The following RFX2 variants were observed in gnomAD, a reference collection of about 807,000 sequenced individuals.
The protein encoded by RFX2 is DNA-binding protein RFX2.
A neutral mutation model predicts 87.8 loss-of-function variants in RFX2; 20 were observed. The ratio of observed to expected loss-of-function variants is 0.23; its 90% CI spans 0.16 to 0.33. The LOEUF (loss-of-function observed/expected upper bound fraction) is 0.33. Ranked by LOEUF, RFX2 falls within the 10% of genes least tolerant of loss-of-function variation. RFX2 has a pLI of 1.00. For missense variants in RFX2, 767 were observed against 1,012.3 expected (o/e 0.76, Z 3.29); for synonymous variants, 397 against 431.3 (o/e 0.92, Z 0.98).
At position 6,004,106 on chromosome 19, in the gene RFX2, C is replaced by T. The variant is rs1020106776; in HGVS notation, c.1500+95G>A. 7 of 952,060 alleles carry T rather than the reference C, an allele frequency of 7.4e-6. No individual in the cohort carries two copies. Among genetic ancestry groups the T allele is most frequent in the African/African-American group, 1.6e-5 (1 of 62,156 alleles). 59.0% of individuals were successfully genotyped at this position (952,060 alleles called of 1,614,324 possible). ...TTACTCTCATGACGCAGGGAAGAAG[C>T]CAGCGCTCTCTGGGACACAGTGGTC... On this transcript the variant is annotated intron_variant, in intron 13 of 17. Transcript: ENST00000303657. The surrounding 1 kb of genome is among the most constrained non-coding windows in gnomAD (Gnocchi z 4.8).
At chr19:6,055,545 T>C (rs1314048756) in intron 1 of RFX2, among the ~76,000 whole-genome samples, 2 of 152,194 alleles carry the variant, frequency 1.3e-5, no homozygotes, top group Non-Finnish European at 2.9e-5. Context: ...CACTTCAGCC[T>C]CCTAAGTAGC....
chr19:6,040,072 T>C lies in RFX2; in HGVS notation c.430A>G (p.Ile144Val). Residue 144 changes from isoleucine to valine, a missense_variant, in exon 5 of 18, where the codon ATC becomes GTC. Transcript: ENST00000303657. The surrounding 1 kb of genome is among the most constrained non-coding windows in gnomAD (Gnocchi z 6.1). The stretch of plus-strand genomic sequence containing the variant: ...AGATAGGCTCCCGCGCTGGAGACGA[T>C]GGGGCTCCCCCCGACATCCATGGTG... ...GITMDVGGSP[I>V]VSSAGAYLIH... 6.2e-7 allele frequency: 1 copy of C among 1,612,344 alleles called. No individual in the cohort carries two copies. The highest frequency in any genetic ancestry group is 1.1e-5 in the South Asian group (1 of 91,084).
intron 1 of RFX2, among the ~76,000 whole-genome samples, chr19:6,067,316 A>G (rs1424163939): frequency 1.3e-5 from 2 of 152,218 alleles, no homozygotes; most frequent in African/African-American, 4.8e-5. Context: ...AATATCATGT[A>G]CGTATGGAAC....
chr19:6,038,951 C>A (rs1320512267), intron 5 of RFX2, among the ~76,000 whole-genome samples: 1 of 152,342 alleles, frequency 6.6e-6, no homozygotes, highest in East Asian at 1.9e-4. Flanking sequence ...TATGAGCCAG[C>A]AGCAATTCCA....
chr19:6,066,474 G>T (rs1285383106), intron 1 of RFX2, among the ~76,000 whole-genome samples: 1 of 152,092 alleles, frequency 6.6e-6, no homozygotes, highest in East Asian at 1.9e-4. Flanking sequence ...GTAGTAGGTT[G>T]GACAAGTAAT....
intron 1 of RFX2, among the ~76,000 whole-genome samples, chr19:6,062,627 T>TG: frequency 6.6e-6 from 1 of 152,352 alleles, no homozygotes; most frequent in Non-Finnish European, 1.5e-5. Flanking sequence ...AACACAAGCT[T>TG]AGCTTTTGCT....
In RFX2 at chr19:6,027,108, T is replaced by A. The variant is rs2144736066; in HGVS notation, c.523-871A>T. ...CAGCCCACCCTGACGACCAGAGGAC[T>A]GAAGCGGGAGGAGATGAACTTGAAG... On this transcript the variant is annotated intron_variant, in intron 5 of 17. Transcript: ENST00000303657. This position sits in a 1 kb window ranked among gnomAD's most constrained non-coding sequence, Gnocchi z 5.0. 1 of 152,424 alleles carries A rather than the reference T, an allele frequency of 6.6e-6. No homozygotes were observed. The highest frequency in any genetic ancestry group is 2.4e-5 in the African/African-American group (1 of 41,564). 9.4% of individuals were successfully genotyped at this position (152,424 alleles called of 1,614,324 possible). A position where few individuals can be genotyped will look rare whatever the true frequency, so the allele number is the denominator to read the frequency against.
In RFX2 at chr19:6,017,275, C is replaced by T. The variant is rs930504801; in HGVS notation, c.598-1004G>A. ...ACAAAAAGATGGGCTAAATGAGTCC[C>T]GAGCCAAGGACTATGCCTCGAGAGG... On this transcript the variant is annotated intron_variant, in intron 6 of 17. Coordinates refer to ENST00000303657, the MANE Select transcript of RFX2 (RefSeq NM_000635.4). This position sits in a 1 kb window ranked among gnomAD's most constrained non-coding sequence, Gnocchi z 4.1. 3.9e-5 allele frequency among the ~76,000 whole-genome samples: 6 copies of T among 152,230 alleles called. No individual in the cohort carries two copies. Among genetic ancestry groups the T allele is most frequent in the South Asian group, 2.1e-4 (1 of 4,828 alleles).
rs2086460834 is a variant in RFX2 at position 5,999,315 on chromosome 19, A to G, written c.1860-2102T>C. On this transcript the variant is annotated intron_variant, in intron 15 of 17. Transcript: ENST00000303657. This position sits in a 1 kb window ranked among gnomAD's most constrained non-coding sequence, Gnocchi z 4.1. ...TGTCTCGGTCTCCCTTGTGAAGAGCACCCCCACCTTGCAGACGTGACCCCG... is the reference window on the plus strand; with the variant it reads ...TGTCTCGGTCTCCCTTGTGAAGAGCGCCCCCACCTTGCAGACGTGACCCCG... 6.6e-6 allele frequency among the ~76,000 whole-genome samples: 1 copy of G among 151,986 alleles called. No individual in the cohort carries two copies. Among genetic ancestry groups the G allele is most frequent in the African/African-American group, 2.4e-5 (1 of 41,382 alleles).
intron 17 of RFX2, among the ~76,000 whole-genome samples, chr19:5,995,185 T>C (rs1454738242): frequency 6.6e-6 from 1 of 152,156 alleles, no homozygotes; most frequent in Admixed American, 6.5e-5. Flanking sequence ...TGTGCCTCCC[T>C]TTCCCAGCGC....
intron 12 of RFX2, among the ~76,000 whole-genome samples, chr19:6,005,502 G>A (rs75933578): frequency 0.022 from 3,422 of 152,302 alleles, 134 homozygotes; most frequent in African/African-American, 0.078. Context: ...GGCCTGGCCC[G>A]AGGGCTCCCT....
At chr19:6,109,664 T>C (rs144248270) in intron 1 of RFX2, among the ~76,000 whole-genome samples, 2,125 of 152,106 alleles carry the variant, frequency 0.014, 55 homozygotes, top group African/African-American at 0.049. Flanking sequence ...GGCTCTGGGG[T>C]CACCCCAATT....
chr19:6,105,058 C>A (rs2088192337), intron 1 of RFX2, among the ~76,000 whole-genome samples: 1 of 147,902 alleles, frequency 6.8e-6, no homozygotes, highest in Non-Finnish European at 1.5e-5. Context: ...TCAGAGGTTG[C>A]AGTGAGCCGA....
chr19:6,066,290 A>T (rs2087510694), intron 1 of RFX2, among the ~76,000 whole-genome samples: 1 of 152,156 alleles, frequency 6.6e-6, no homozygotes, highest in African/African-American at 2.4e-5. Flanking sequence ...GAGCACATGA[A>T]ACCAGAAGGT....
At chr19:6,029,116 G>A (rs906403021) in intron 5 of RFX2, among the ~76,000 whole-genome samples, 1 of 150,398 alleles carries the variant, frequency 6.6e-6, no homozygotes, top group African/African-American at 2.4e-5. Context: ...AATTAGTTCA[G>A]AAAGGTCATG....
At chr19:6,055,413 G>C (rs1048622351) in intron 1 of RFX2, among the ~76,000 whole-genome samples, 3 of 152,266 alleles carry the variant, frequency 2.0e-5, no homozygotes, top group Non-Finnish European at 2.9e-5. Flanking sequence ...CATGTTCATA[G>C]CAGCTTTTTG....
In RFX2 at chr19:6,001,785, G is replaced by C; in HGVS notation, c.1859+30C>G. The stretch of plus-strand genomic sequence containing the variant: ...TTCTCTCAGAGCCCCCCACCCGCCA[G>C]AATTCTCTCGGAGGTCTGGTGGGAC... On this transcript the variant is annotated intron_variant, in intron 15 of 17. Transcript: ENST00000303657. The surrounding 1 kb of genome is among the most constrained non-coding windows in gnomAD (Gnocchi z 5.6). The C allele has an allele frequency of 6.4e-7, 1 of 1,555,236 alleles. No individual in the cohort carries two copies. Among genetic ancestry groups the C allele is most frequent in the South Asian group, 1.2e-5 (1 of 85,100 alleles).
At chr19:6,095,694 A>G (rs1007410511) in intron 1 of RFX2, among the ~76,000 whole-genome samples, 1 of 152,130 alleles carries the variant, frequency 6.6e-6, no homozygotes, top group African/African-American at 2.4e-5. Context: ...AGGATGGACC[A>G]CTTGGAGAAA....
At chr19:6,078,785 T>C (rs2087732914) in intron 1 of RFX2, among the ~76,000 whole-genome samples, 1 of 152,204 alleles carries the variant, frequency 6.6e-6, no homozygotes, top group African/African-American at 2.4e-5. Flanking sequence ...TGCATATCAT[T>C]TTATTTTTTG....
Sources: allele counts gnomAD v4.1 joint callset (sites outside exome capture counted in the v4.1 genomes callset), GRCh38; gene constraint gnomAD v4.1.1; non-coding constraint Gnocchi (gnomAD v3.1); transcripts MANE v1.5; gene names NCBI Gene and HGNC (gene_info 2026-07-23, HGNC 2026-07-21).